Variants in PRKG2 observed in about 807,000 individuals in gnomAD.
PRKG2 encodes the protein cGMP-dependent protein kinase 2.
Under a neutral mutation model 97.2 loss-of-function variants are expected in PRKG2, and 33 were observed. The observed-to-expected ratio is 0.34, with a 90% CI of 0.26 to 0.45. The LOEUF (loss-of-function observed/expected upper bound fraction) is 0.45. PRKG2 is among the 20% of genes least tolerant of loss of function. The probability of loss-of-function intolerance (pLI) is 1.00; values close to 1 mark genes in which losing one functional copy is unlikely to be tolerated. For missense variants in PRKG2, 638 were observed against 900.0 expected, an observed-to-expected ratio of 0.71 and a Z score of 3.73; for synonymous variants, 330 against 321.8, an observed-to-expected ratio of 1.03 and a Z score of -0.27.
Position 81,215,003 on chromosome 4 carries a change from G to C in PRKG2, c.-81C>G, listed in dbSNP as rs1360766304. The C allele has an allele frequency of 6.6e-6, 1 of 152,648 alleles. No individual in the cohort carries two copies. The highest frequency in any genetic ancestry group is 2.4e-5 in the African/African-American group (1 of 41,464). The allele number at this position is 152,648 out of a possible 1,614,324, so 9.5% of individuals were successfully genotyped here. A position where few individuals can be genotyped will look rare whatever the true frequency, so the allele number is the denominator to read the frequency against. ...GGCGCGGCCGCCCCTGCGTCTCAGC[G>C]TCCTCTCCCACGCCGCCCTCCCCAG... On this transcript the variant is annotated 5_prime_UTR_variant, in exon 1 of 19. Transcript: ENST00000264399.
In PRKG2 at chr4:81,089,700, T is replaced by C. The variant is rs746703245; in HGVS notation, c.*8A>G. 7.6e-6 allele frequency: 12 copies of C among 1,583,198 alleles called. No individual in the cohort carries two copies. The highest frequency in any genetic ancestry group is 1.7e-4 in the Middle Eastern group (1 of 6,000). ...GTAGAGTACAGGCAGTAATCAACTT[T>C]TCTTCTGTCAGAAGTCTTTATCCCA... On this transcript the variant is annotated 3_prime_UTR_variant, in exon 19 of 19. Transcript: ENST00000264399.
chr4:81,208,742 G>T (rs1307554672), intron 1 of PRKG2, among the ~76,000 whole-genome samples: 2 of 152,132 alleles, frequency 1.3e-5, no homozygotes, highest in African/African-American at 4.8e-5. Context: ...GTGGCCGGGA[G>T]TAAGGGACTC....
chr4:81,168,486 C>A (rs1391618009), intron 5 of PRKG2, among the ~76,000 whole-genome samples: 1 of 152,108 alleles, frequency 6.6e-6, no homozygotes, highest in African/African-American at 2.4e-5. Context: ...CACGTTTTAT[C>A]TCAGACATTC....
intron 2 of PRKG2, among the ~76,000 whole-genome samples, chr4:81,181,420 A>G (rs1038097597): frequency 2.6e-5 from 4 of 151,772 alleles, no homozygotes; most frequent in Non-Finnish European, 5.9e-5. Flanking sequence ...GTCAAATTAT[A>G]TAATAAAATA....
At chr4:81,157,003 C>T (rs1749162503) in intron 6 of PRKG2, among the ~76,000 whole-genome samples, 1 of 152,112 alleles carries the variant, frequency 6.6e-6, no homozygotes, top group Admixed American at 6.6e-5. Flanking sequence ...GACACCCTAA[C>T]ATCACAATTA....
chr4:81,207,649 C>T (rs1753753181), intron 1 of PRKG2, among the ~76,000 whole-genome samples: 1 of 152,136 alleles, frequency 6.6e-6, no homozygotes, highest in Non-Finnish European at 1.5e-5. Context: ...ATGTTAAATT[C>T]TCCCAAAACA....
chr4:81,148,747 T>C lies in PRKG2; in HGVS notation c.1154+137A>G, dbSNP rs896745439. On this transcript the variant is annotated intron_variant, in intron 9 of 18. Coordinates refer to ENST00000264399, the MANE Select transcript of PRKG2 (RefSeq NM_006259.3). The stretch of plus-strand genomic sequence containing the variant: ...CCCTGTTCCTTCCCATGAATTTTAA[T>C]AGAATGTACTTGCAGCTGAGATCGG... The C allele has an allele frequency of 6.4e-6, 5 of 777,754 alleles. 1 individual carries two copies. Among genetic ancestry groups the C allele is most frequent in the East Asian group, 4.9e-5 (2 of 40,582 alleles). 48.2% of individuals were successfully genotyped at this position (777,754 alleles called of 1,614,324 possible). A position where few individuals can be genotyped will look rare whatever the true frequency, so the allele number is the denominator to read the frequency against.
At position 81,153,645 on chromosome 4, in the gene PRKG2, T is replaced by A. The variant is rs1388725896; in HGVS notation, c.989A>T (p.Lys330Met). ...TAGTAAGTTTTAATTAATAGTTACC[T>A]TTCCTTTTGCCAAAATGAAAAAGGT... Reference protein sequence around the residue: ...GSTFFILAKGKVKVTQSTEGH... With the variant: ...GSTFFILAKGMVKVTQSTEGH... The change falls in exon 7 of 19, where the codon AAG becomes ATG. Residue 330 changes from lysine to methionine, a missense_variant and splice_region_variant. By Grantham distance (95) the Lys-to-Met change is moderately conservative. Coordinates refer to ENST00000264399, the MANE Select transcript of PRKG2 (RefSeq NM_006259.3). The A allele has an allele frequency of 6.3e-7, 1 of 1,579,996 alleles. No homozygotes were observed. Among genetic ancestry groups the A allele is most frequent in the Non-Finnish European group, 8.7e-7 (1 of 1,149,498 alleles).
intron 6 of PRKG2, among the ~76,000 whole-genome samples, chr4:81,155,167 G>C (rs943361785): frequency 1.4e-5 from 1 of 73,780 alleles, no homozygotes; most frequent in African/African-American, 2.1e-4. Flanking sequence ...GACAGAGCGA[G>C]ACTCCGTCTC....
chr4:81,129,764 C>T (rs1024964713), intron 14 of PRKG2, among the ~76,000 whole-genome samples: 10 of 152,116 alleles, frequency 6.6e-5, no homozygotes, highest in African/African-American at 4.8e-5. Flanking sequence ...AACAGCACAC[C>T]GATGCATCTT....
chr4:81,206,947 G>A (rs1002666113), intron 1 of PRKG2, among the ~76,000 whole-genome samples: 1 of 152,218 alleles, frequency 6.6e-6, no homozygotes, highest in Admixed American at 6.5e-5. Context: ...CAGGTTCAAA[G>A]TGGTCATTAA....
At chr4:81,171,279 C>G (rs1192526010) in intron 4 of PRKG2, among the ~76,000 whole-genome samples, 1 of 151,872 alleles carries the variant, frequency 6.6e-6, no homozygotes, top group African/African-American at 2.4e-5. Context: ...TTTTCTGTTC[C>G]TGTGTTAGTT....
chr4:81,205,092 T>C, intron 1 of PRKG2, 32 bp from the exon 2 acceptor site: 2 of 1,422,034 alleles, frequency 1.4e-6, no homozygotes, highest in South Asian at 1.4e-5. Context: ...AAGTATCAAG[T>C]GGAGTTTCAC....
At chr4:81,132,659 A>G (rs1746294240) in intron 14 of PRKG2, among the ~76,000 whole-genome samples, 1 of 152,198 alleles carries the variant, frequency 6.6e-6, no homozygotes, top group South Asian at 2.1e-4. Flanking sequence ...AATGCCTTCA[A>G]TTATGATTAA....
chr4:81,155,335 G>A lies in PRKG2; in HGVS notation c.913-1614C>T, dbSNP rs571865789. ...AGCTGGAAGAAAGGGTATCAGCAAT[G>A]GAAGATGAAATGAATGAAATGAAGC... On this transcript the variant is annotated intron_variant, in intron 6 of 18. Transcript: ENST00000264399. Among the ~76,000 whole-genome samples, 286 of 152,024 alleles carry A rather than the reference G, an allele frequency of 1.9e-3. 1 individual carries two copies. The highest frequency in any genetic ancestry group is 6.6e-3 in the African/African-American group (274 of 41,374).
At position 81,204,871 on chromosome 4, in the gene PRKG2, C is replaced by T. The variant is rs1463026433; in HGVS notation, c.177G>A (p.Ser59=). The T allele has an allele frequency of 7.4e-6, 12 of 1,614,064 alleles. No homozygotes were observed. The highest frequency in any genetic ancestry group is 5.0e-5 in the Admixed American group (3 of 60,006). ...YHLKELREQL[S]KQTVAIAELT... ...GTTCAGCAATGGCCACAGTCTGCTT[C>T]GACAGCTGCTCCCGCAGCTCCTTCA... Residue 59 remains serine (S), a synonymous_variant, in exon 2 of 19, where the codon TCG becomes TCA. Coordinates refer to ENST00000264399, the MANE Select transcript of PRKG2 (RefSeq NM_006259.3).
intron 2 of PRKG2, chr4:81,175,633 G>GT (rs1750858358): frequency 6.6e-6 from 1 of 152,034 alleles, no homozygotes; most frequent in Non-Finnish European, 1.5e-5. Flanking sequence ...GATAGTCTAG[G>GT]TTTGACTAGG....
intron 8 of PRKG2, among the ~76,000 whole-genome samples, chr4:81,150,869 T>C (rs1365302152): frequency 6.6e-6 from 1 of 152,142 alleles, no homozygotes; most frequent in Non-Finnish European, 1.5e-5. Flanking sequence ...ACAAAGAATA[T>C]TAATTTTCCT....
At chr4:81,105,556 G>A (rs1743237337) in intron 16 of PRKG2, among the ~76,000 whole-genome samples, 1 of 152,018 alleles carries the variant, frequency 6.6e-6, no homozygotes, top group Non-Finnish European at 1.5e-5. Flanking sequence ...AACAGATAAA[G>A]ATGATACCCA....
Sources: gnomAD v4.1 joint callset for allele counts (sites outside exome capture counted in the v4.1 genomes callset) on GRCh38, gnomAD v4.1.1 for gene constraint, MANE v1.5 for transcripts, NCBI Gene and HGNC (gene_info 2026-07-23, HGNC 2026-07-21) for gene names.